Variants in RNF220 observed in about 807,000 individuals in gnomAD.
The protein encoded by RNF220 is E3 ubiquitin-protein ligase RNF220.
A neutral mutation model predicts 67.1 loss-of-function variants in RNF220; 7 were observed. The ratio of observed to expected loss-of-function variants is 0.10; its 90% CI spans 0.06 to 0.20. The LOEUF (loss-of-function observed/expected upper bound fraction) is 0.20, where lower values mean the gene tolerates loss of function less well. RNF220 is among the 10% of genes least tolerant of loss of function. The pLI is 1.00. For synonymous variants in RNF220, 270 were observed against 283.2 expected, an observed-to-expected ratio of 0.95 and a Z score of 0.47; for missense variants, 565 against 740.3, an observed-to-expected ratio of 0.76 and a Z score of 2.75.
At chr1:44,544,703 G>A (rs141312050) in intron 2 of RNF220, among the ~76,000 whole-genome samples, 3 of 152,342 alleles carry the variant, frequency 2.0e-5, no homozygotes, top group East Asian at 1.9e-4. Context: ...AAAGCCTTGT[G>A]GAACTTTGCC....
intron 2 of RNF220, among the ~76,000 whole-genome samples, chr1:44,512,128 G>A (rs1230282524): frequency 3.3e-5 from 5 of 152,150 alleles, no homozygotes; most frequent in Non-Finnish European, 7.4e-5. Flanking sequence ...AAAATCGATG[G>A]CAGGGAATCA....
chr1:44,636,183 G>A, intron 8 of RNF220, 21 bp downstream of exon 8: 1 of 1,586,612 alleles, frequency 6.3e-7, no homozygotes, highest in Non-Finnish European at 8.6e-7. Context: ...CTGACACGTA[G>A]ACATTGGCAC....
intron 8 of RNF220, among the ~76,000 whole-genome samples, chr1:44,640,475 C>T (rs954244936): frequency 3.9e-5 from 6 of 152,214 alleles, no homozygotes; most frequent in African/African-American, 1.4e-4. Flanking sequence ...GGGATTTAAT[C>T]GCCTTTTGGA....
rs1365896662 is a variant in RNF220, at chr1:44,405,363, G to A, written c.-285G>A. 1 of 597,836 alleles carries A rather than the reference G, an allele frequency of 1.7e-6. No homozygotes were observed. The highest frequency in any genetic ancestry group is 1.8e-5 in the South Asian group (1 of 54,412). The allele number at this position is 597,836 out of a possible 1,614,324, so 37.0% of individuals were successfully genotyped here. A position where few individuals can be genotyped will look rare whatever the true frequency, so the allele number is the denominator to read the frequency against. On this transcript the variant is annotated 5_prime_UTR_variant, in exon 1 of 15. Coordinates refer to ENST00000361799, the MANE Select transcript of RNF220 (RefSeq NM_018150.4). ...CCAGGCAGCTCGCGAACACAAACCC[G>A]GGGCCAGCCGCCTACTGCTGCTGCT...
At chr1:44,530,189 G>C (rs922505340) in intron 2 of RNF220, among the ~76,000 whole-genome samples, 1 of 152,060 alleles carries the variant, frequency 6.6e-6, no homozygotes, top group Non-Finnish European at 1.5e-5. Flanking sequence ...TATTCATAAA[G>C]AAATAGGTCA....
chr1:44,614,295 G>C lies in RNF220; in HGVS notation c.756G>C (p.Ser252=), dbSNP rs762350391. ...QELEQLAQLP[S]SKNSLLKDAM... Reference sequence around the variant, plus strand: ...TGGAGCAGCTAGCCCAACTGCCCTCGAGGTAAGCCACCTCCCAGGGAGCCT... The same window carrying C: ...TGGAGCAGCTAGCCCAACTGCCCTCCAGGTAAGCCACCTCCCAGGGAGCCT... The change falls in exon 3 of 15, where the codon TCG becomes TCC. Residue 252 remains serine, a splice_region_variant and synonymous_variant. Coordinates refer to ENST00000361799, the MANE Select transcript of RNF220 (RefSeq NM_018150.4). The C allele has an allele frequency of 1.9e-6, 3 of 1,613,498 alleles. No homozygotes were observed. The African/African-American group carries it at 4.0e-5, about 22-fold the overall frequency.
At chr1:44,554,079 G>T (rs373196916) in intron 2 of RNF220, among the ~76,000 whole-genome samples, 1 of 152,344 alleles carries the variant, frequency 6.6e-6, no homozygotes, top group South Asian at 2.1e-4. Context: ...AAGCTTGGTT[G>T]TTGGGGCAGA....
At chr1:44,599,444 G>A (rs183024998) in intron 2 of RNF220, among the ~76,000 whole-genome samples, 25 of 152,248 alleles carry the variant, frequency 1.6e-4, no homozygotes, top group East Asian at 7.7e-4. Context: ...AGGCCGAGGT[G>A]GACGGACTGC....
intron 2 of RNF220, among the ~76,000 whole-genome samples, chr1:44,487,532 G>C (rs1188715646): frequency 6.6e-6 from 1 of 150,990 alleles, no homozygotes; most frequent in Middle Eastern, 3.2e-3. Context: ...GTTTGTTTGA[G>C]TTATAAAGTA....
chr1:44,412,005 G>A lies in RNF220; in HGVS notation c.-93G>A. ...GGTCTTAGGAGGGAATGATTCCCCA[G>A]TAATATTCCCTGCCCTGACCCAAAG... On this transcript the variant is annotated 5_prime_UTR_variant, in exon 2 of 15. Transcript: ENST00000361799. The surrounding 1 kb of genome is among the most constrained non-coding windows in gnomAD (Gnocchi z 5.3). 1.2e-5 allele frequency: 17 copies of A among 1,405,052 alleles called. No individual in the cohort carries two copies. Among genetic ancestry groups the A allele is most frequent in the Non-Finnish European group, 1.6e-5 (17 of 1,031,892 alleles). 87.0% of individuals were successfully genotyped at this position (1,405,052 alleles called of 1,614,324 possible).
intron 2 of RNF220, among the ~76,000 whole-genome samples, chr1:44,607,369 C>G (rs1667340034): frequency 6.6e-6 from 1 of 152,222 alleles, no homozygotes. Context: ...AGGATGCACC[C>G]TCTCTATCAT....
In RNF220 at chr1:44,412,491, T is replaced by C; in HGVS notation, c.394T>C (p.Tyr132His). 6.2e-7 allele frequency: 1 copy of C among 1,612,314 alleles called. No individual in the cohort carries two copies. Residue 132 changes from tyrosine (Y) to histidine (H), a missense_variant, in exon 2 of 15, where the codon TAT becomes CAT. Physicochemically the swap from Tyr to His is moderately conservative, Grantham distance 83. Coordinates refer to ENST00000361799, the MANE Select transcript of RNF220 (RefSeq NM_018150.4). This position sits in a 1 kb window ranked among gnomAD's most constrained non-coding sequence, Gnocchi z 5.3. The stretch of plus-strand genomic sequence containing the variant: ...TGCCTCCACCGAGGACCGGGAGAGC[T>C]ATCAGTCAGCCTTTACGCCGGCCAA... ...PFASTEDRES[Y>H]QSAFTPAKRL...
At chr1:44,644,427 G>A (rs948734607) in intron 8 of RNF220, 14 of 386,026 alleles carry the variant, frequency 3.6e-5, no homozygotes, top group South Asian at 1.6e-4. Context: ...GAGTGTCCCC[G>A]AGGACGTGAC....
chr1:44,632,400 G>GCCCCCCCCCCCCCCCCCCCCCCCCCCCCC lies in RNF220; in HGVS notation c.949+19_949+20insCCCCCCCCCCCCCCCCCCCCCCCCCCCCC. On this transcript the variant is annotated intron_variant, in intron 6 of 14. Transcript: ENST00000361799. ...CCGACTGAATGGTGAGTCCTGCCCG[G>GCCCCCCCCCCCCCCCCCCCCCCCCCCCCC]CCCCTCCCTCCGCCCCACCCCCGGC... 1 of 1,607,452 alleles carries GCCCCCCCCCCCCCCCCCCCCCCCCCCCCC rather than the reference G, an allele frequency of 6.2e-7. No individual in the cohort carries two copies. Among genetic ancestry groups the GCCCCCCCCCCCCCCCCCCCCCCCCCCCCC allele is most frequent in the Non-Finnish European group, 8.5e-7 (1 of 1,177,492 alleles).
At chr1:44,539,462 G>A (rs1354348140) in intron 2 of RNF220, among the ~76,000 whole-genome samples, 1 of 152,138 alleles carries the variant, frequency 6.6e-6, no homozygotes, top group Non-Finnish European at 1.5e-5. Flanking sequence ...TACGTGCCAT[G>A]CACCATATGA....
intron 2 of RNF220, among the ~76,000 whole-genome samples, chr1:44,451,057 C>T (rs1009422393): frequency 1.3e-5 from 2 of 152,096 alleles, no homozygotes; most frequent in Non-Finnish European, 2.9e-5. Context: ...GTGGCGGGCA[C>T]CTGTAGTCCC....
At chr1:44,530,202 G>T (rs1188294250) in intron 2 of RNF220, among the ~76,000 whole-genome samples, 1 of 152,146 alleles carries the variant, frequency 6.6e-6, no homozygotes, top group Non-Finnish European at 1.5e-5. Flanking sequence ...ATAGGTCAAA[G>T]AGGGAAATGT....
At chr1:44,442,351 C>G (rs1651643897) in intron 2 of RNF220, among the ~76,000 whole-genome samples, 1 of 152,004 alleles carries the variant, frequency 6.6e-6, no homozygotes, top group African/African-American at 2.4e-5. Context: ...CCATGTTTCC[C>G]AGGCTGGTCT....
chr1:44,525,278 C>T (rs967202445), intron 2 of RNF220, among the ~76,000 whole-genome samples: 4 of 152,094 alleles, frequency 2.6e-5, no homozygotes, highest in South Asian at 2.1e-4. Context: ...GCTTGCTGAG[C>T]GAGAGGGGGG....
Sources: allele counts gnomAD v4.1 joint callset (sites outside exome capture counted in the v4.1 genomes callset), GRCh38; gene constraint gnomAD v4.1.1; non-coding constraint Gnocchi (gnomAD v3.1); transcripts MANE v1.5; gene names NCBI Gene and HGNC (gene_info 2026-07-23, HGNC 2026-07-21).